Variants in RORA observed in about 807,000 individuals in gnomAD.
The protein encoded by RORA is nuclear receptor ROR-alpha.
A neutral mutation model predicts 69.5 loss-of-function variants in RORA; 7 were observed. The ratio of observed to expected loss-of-function variants is 0.10; its 90% CI spans 0.06 to 0.19. The LOEUF is 0.19. Among genes scored for constraint, RORA ranks in the 10% least tolerant of loss-of-function variants. The probability of loss-of-function intolerance (pLI) is 1.00; values close to 1 mark genes in which losing one functional copy is unlikely to be tolerated. For synonymous variants in RORA, 261 were observed against 240.8 expected (o/e 1.08, Z -0.78); for missense variants, 457 against 663.0 (o/e 0.69, Z 3.41).
At chr15:61,029,174 CG>C in intron 1 of RORA, among the ~76,000 whole-genome samples, 1 of 151,950 alleles carries the variant, frequency 6.6e-6, no homozygotes, top group South Asian at 2.1e-4. Flanking sequence ...AACACCAACC[CG>C]AACCAGATGG....
chr15:60,924,877 G>A (rs549463901), intron 1 of RORA, among the ~76,000 whole-genome samples: 26 of 152,056 alleles, frequency 1.7e-4, no homozygotes, highest in African/African-American at 5.5e-4. Flanking sequence ...TCAGGAGTTC[G>A]AGACCAGCCT....
At chr15:60,881,445 T>G (rs2073679277) in intron 1 of RORA, among the ~76,000 whole-genome samples, 1 of 152,242 alleles carries the variant, frequency 6.6e-6, no homozygotes, top group African/African-American at 2.4e-5. Flanking sequence ...CTACATTGGA[T>G]GAAACACCAT....
At chr15:60,566,417 A>C (rs748783874) in intron 2 of RORA, among the ~76,000 whole-genome samples, 1 of 152,176 alleles carries the variant, frequency 6.6e-6, no homozygotes, top group Non-Finnish European at 1.5e-5. Flanking sequence ...GAAGAGGGAA[A>C]GTTTGGTGTT....
intron 2 of RORA, among the ~76,000 whole-genome samples, chr15:60,561,086 T>TG (rs2067539096): frequency 6.7e-6 from 1 of 149,256 alleles, no homozygotes; most frequent in East Asian, 1.9e-4. Flanking sequence ...GTTTTTGTTT[T>TG]TTTTTTTGTT....
rs1433592653 is a variant in RORA, at chr15:60,883,151, AGAAAGAG to A, written c.167-204472_167-204466del. ...GTCTCAAAAAAAAAAAAAAAAAAAA[AGAAAGAG>A]AGAGAGAGAGAGAGAGAGAGAGAGA... On this transcript the variant is annotated intron_variant, in intron 1 of 10. Coordinates refer to ENST00000335670, the MANE Select transcript of RORA (RefSeq NM_134261.3). Among the ~76,000 whole-genome samples, 19 of 49,380 alleles carry A rather than the reference AGAAAGAG, an allele frequency of 3.8e-4. 1 individual carries two copies. Among genetic ancestry groups the A allele is most frequent in the South Asian group, 9.0e-4 (1 of 1,106 alleles). The allele number at this position is 49,380 out of a possible 152,430, so 32.4% of individuals were successfully genotyped here.
chr15:60,762,542 T>TAC lies in RORA; in HGVS notation c.167-83858_167-83857dup, dbSNP rs147805564. Among the ~76,000 whole-genome samples the TAC allele has an allele frequency of 3.3e-5, 5 of 151,276 alleles. No individual in the cohort carries two copies. The East Asian group carries it at 5.8e-4, about 18-fold the overall frequency. ...AAAGAAGTGCATGAAACACACACAG[T>TAC]ACACACACACACACCCACGCACACA... On this transcript the variant is annotated intron_variant, in intron 1 of 10. Coordinates refer to ENST00000335670, the MANE Select transcript of RORA (RefSeq NM_134261.3).
At chr15:60,846,802 A>AT (rs1317744464) in intron 1 of RORA, among the ~76,000 whole-genome samples, 2 of 152,216 alleles carry the variant, frequency 1.3e-5, no homozygotes, top group Non-Finnish European at 2.9e-5. Context: ...ATTCTAATAA[A>AT]CATTGCTATT....
intron 1 of RORA, among the ~76,000 whole-genome samples, chr15:61,109,499 G>C (rs1012442850): frequency 6.6e-6 from 1 of 152,158 alleles, no homozygotes; most frequent in Non-Finnish European, 1.5e-5. Context: ...ACATGGTTCA[G>C]CCAGCACACC....
In RORA at chr15:60,967,391, C is replaced by T. The variant is rs1304691804; in HGVS notation, c.166+261662G>A. Among the ~76,000 whole-genome samples the T allele has an allele frequency of 3.9e-5, 6 of 152,142 alleles. No individual in the cohort carries two copies. The East Asian group carries it at 1.2e-3, about 29-fold the overall frequency. On this transcript the variant is annotated intron_variant, in intron 1 of 10. Transcript: ENST00000335670. ...AATTTGAATTGGGAATCAGCATCAA[C>T]AAAATGTGACAACATCGAATGGAGC... is the stretch of plus-strand genomic sequence containing the variant.
chr15:60,793,335 G>A (rs2072444264), intron 1 of RORA, among the ~76,000 whole-genome samples: 1 of 152,192 alleles, frequency 6.6e-6, no homozygotes, highest in African/African-American at 2.4e-5. Flanking sequence ...GCTTAGAAGT[G>A]TCTTACACAC....
At chr15:60,886,524 A>G (rs1166016435) in intron 1 of RORA, among the ~76,000 whole-genome samples, 1 of 152,214 alleles carries the variant, frequency 6.6e-6, no homozygotes, top group Non-Finnish European at 1.5e-5. Flanking sequence ...TGCTTATGTT[A>G]AACTCCTTAT....
intron 1 of RORA, among the ~76,000 whole-genome samples, chr15:61,110,338 T>C (rs1285144322): frequency 6.8e-6 from 1 of 147,810 alleles, no homozygotes; most frequent in Non-Finnish European, 1.5e-5. Context: ...GAGGTTGCAG[T>C]GAGCTGAGAT....
At chr15:60,744,235 T>A (rs995174424) in intron 1 of RORA, among the ~76,000 whole-genome samples, 1 of 152,206 alleles carries the variant, frequency 6.6e-6, no homozygotes, top group Admixed American at 6.5e-5. Flanking sequence ...TCTGAAAGAC[T>A]GTAATAAAGA....
chr15:60,502,983 G>C (rs760118813), intron 7 of RORA, 116 bp from the exon 8 acceptor site: 4 of 779,752 alleles, frequency 5.1e-6, no homozygotes, highest in Non-Finnish European at 9.3e-6. Flanking sequence ...GTCGTGTGCA[G>C]TTTAGCTAGC....
At chr15:60,776,954 A>G (rs951681333) in intron 1 of RORA, among the ~76,000 whole-genome samples, 12 of 152,300 alleles carry the variant, frequency 7.9e-5, no homozygotes, top group Middle Eastern at 3.4e-3. Context: ...TTCTCTCTGC[A>G]GAAATATATG....
At chr15:60,809,811 A>C (rs2072716941) in intron 1 of RORA, among the ~76,000 whole-genome samples, 1 of 150,832 alleles carries the variant, frequency 6.6e-6, no homozygotes, top group Admixed American at 6.6e-5. Context: ...TGGCATTAAT[A>C]ATTAACTTTT....
intron 1 of RORA, among the ~76,000 whole-genome samples, chr15:61,224,765 T>G (rs1430248674): frequency 2.6e-5 from 4 of 152,200 alleles, no homozygotes; most frequent in Non-Finnish European, 2.9e-5. Context: ...CGGAGGCACA[T>G]CTATTACAAT....
chr15:60,759,099 G>C (rs1347215911), intron 1 of RORA, among the ~76,000 whole-genome samples: 1 of 152,266 alleles, frequency 6.6e-6, no homozygotes, highest in Non-Finnish European at 1.5e-5. Flanking sequence ...AATGCTGAAT[G>C]AATAGTCATT....
At chr15:60,567,379 G>A (rs1241951750) in intron 2 of RORA, among the ~76,000 whole-genome samples, 1 of 151,164 alleles carries the variant, frequency 6.6e-6, no homozygotes, top group African/African-American at 2.4e-5. Flanking sequence ...TTAGAGAGAT[G>A]CCCTCTTTTA....
Sources: allele counts gnomAD v4.1 joint callset (sites outside exome capture counted in the v4.1 genomes callset), GRCh38; gene constraint gnomAD v4.1.1; transcripts MANE v1.5; gene names NCBI Gene and HGNC (gene_info 2026-07-23, HGNC 2026-07-21).